Variants in PDE11A observed in about 807,000 individuals in gnomAD.
PDE11A encodes dual 3',5'-cyclic-AMP and -GMP phosphodiesterase 11A.
In PDE11A, 100 loss-of-function variants were observed where a neutral mutation model predicts 100.5. The ratio of observed to expected loss-of-function variants is 1.00; its 90% CI spans 0.85 to 1.18. PDE11A has a LOEUF of 1.18. Among genes scored for constraint, PDE11A ranks in the 50% most tolerant of loss-of-function variants. The probability of loss-of-function intolerance (pLI) is 0.00; values close to 1 mark genes in which losing one functional copy is unlikely to be tolerated. For synonymous variants in PDE11A, 381 were observed against 420.8 expected (o/e 0.91, Z 1.16); for missense variants, 1,141 against 1,152.6 (o/e 0.99, Z 0.15).
At chr2:177,886,763 T>C (rs1017889298) in intron 4 of PDE11A, among the ~76,000 whole-genome samples, 1 of 152,180 alleles carries the variant, frequency 6.6e-6, no homozygotes, top group Non-Finnish European at 1.5e-5. Context: ...AAGTTCATGC[T>C]TTTACACATC....
In PDE11A at chr2:177,857,825, A is replaced by G. The variant is rs556584048; in HGVS notation, c.1368-17442T>C. ...AGATTCAAAGACATGACTGGGTTAA[A>G]ATAAAAAAATGGAAAAAGTATATAT... On this transcript the variant is annotated intron_variant, in intron 5 of 19. Transcript: ENST00000286063. Among the ~76,000 whole-genome samples, 4 of 152,226 alleles carry G rather than the reference A, an allele frequency of 2.6e-5. No individual in the cohort carries two copies. The South Asian group carries it at 8.3e-4, about 32-fold the overall frequency.
chr2:177,969,484 A>G (rs1221630055), intron 2 of PDE11A, among the ~76,000 whole-genome samples: 1 of 152,166 alleles, frequency 6.6e-6, no homozygotes, highest in Non-Finnish European at 1.5e-5. Flanking sequence ...TTTCACTGTT[A>G]ATGTTGATAT....
intron 19 of PDE11A, among the ~76,000 whole-genome samples, chr2:177,656,198 C>T (rs1332805753): frequency 1.3e-5 from 2 of 152,186 alleles, no homozygotes; most frequent in African/African-American, 2.4e-5. Context: ...CCATGATGGA[C>T]CATATCTACA....
intron 1 of PDE11A, among the ~76,000 whole-genome samples, chr2:178,020,910 TG>T (rs1248170736): frequency 6.6e-6 from 1 of 150,770 alleles, no homozygotes; most frequent in Non-Finnish European, 1.5e-5. Context: ...TTTGTTTTTT[TG>T]TTTTTTTGTC....
chr2:177,951,825 T>C (rs569681683), intron 2 of PDE11A, among the ~76,000 whole-genome samples: 1 of 152,338 alleles, frequency 6.6e-6, no homozygotes, highest in African/African-American at 2.4e-5. Context: ...AACTTGCCTT[T>C]TCCTCAGAGA....
intron 2 of PDE11A, among the ~76,000 whole-genome samples, chr2:178,014,071 T>G (rs533506612): frequency 6.6e-6 from 1 of 152,256 alleles, no homozygotes; most frequent in Non-Finnish European, 1.5e-5. Context: ...CTACCGAGGC[T>G]TATAATGAAA....
At chr2:178,062,317 T>A (rs1022817063) in intron 1 of PDE11A, among the ~76,000 whole-genome samples, 1 of 147,220 alleles carries the variant, frequency 6.8e-6, no homozygotes. Flanking sequence ...CTGACTCCAG[T>A]CTCATATACC....
intron 10 of PDE11A, among the ~76,000 whole-genome samples, chr2:177,768,944 C>A (rs1338808218): frequency 6.6e-6 from 1 of 152,196 alleles, no homozygotes; most frequent in Non-Finnish European, 1.5e-5. Flanking sequence ...CTATTATTAT[C>A]CCAATCTCGT....
At chr2:177,898,557 A>G (rs1056177320) in intron 3 of PDE11A, among the ~76,000 whole-genome samples, 3 of 152,170 alleles carry the variant, frequency 2.0e-5, no homozygotes, top group East Asian at 3.9e-4. Flanking sequence ...TCTCTTGACT[A>G]TAGATTAGCC....
At chr2:177,781,773 A>T (rs1016999165) in intron 9 of PDE11A, among the ~76,000 whole-genome samples, 17 of 152,178 alleles carry the variant, frequency 1.1e-4, no homozygotes, top group African/African-American at 3.9e-4. Flanking sequence ...AAGTGCTGGG[A>T]TTACAAGTGT....
intron 2 of PDE11A, among the ~76,000 whole-genome samples, chr2:177,922,309 C>T (rs1226107672): frequency 1.3e-5 from 2 of 152,014 alleles, no homozygotes; most frequent in African/African-American, 2.4e-5. Context: ...ACTTTATGTC[C>T]AAGACAGAAC....
chr2:177,946,608 G>A lies in PDE11A; in HGVS notation c.1072-41421C>T, dbSNP rs1415989827. On this transcript the variant is annotated intron_variant, in intron 2 of 19. Coordinates refer to ENST00000286063, the MANE Select transcript of PDE11A (RefSeq NM_016953.4). ...TGGGAAGTGAGGAGCCCCTCTGCCC[G>A]GCCAGCCGCCCCGTCCGGGAGGGAG... 7.0e-5 allele frequency among the ~76,000 whole-genome samples: 7 copies of A among 99,902 alleles called. No individual in the cohort carries two copies. The South Asian group carries it at 1.2e-3, about 17-fold the overall frequency. 65.5% of individuals were successfully genotyped at this position (99,902 alleles called of 152,430 possible). A position where few individuals can be genotyped will look rare whatever the true frequency, so the allele number is the denominator to read the frequency against.
chr2:177,861,375 G>A (rs927320000), intron 5 of PDE11A, among the ~76,000 whole-genome samples: 6 of 151,768 alleles, frequency 4.0e-5, no homozygotes, highest in African/African-American at 1.4e-4. Flanking sequence ...CAAAATAAGT[G>A]TAAGTCTTTT....
intron 2 of PDE11A, among the ~76,000 whole-genome samples, chr2:178,085,197 C>T (rs1215420300): frequency 1.3e-5 from 2 of 152,136 alleles, no homozygotes; most frequent in Non-Finnish European, 2.9e-5. Flanking sequence ...ACGTGAGGTG[C>T]TGCTATCACC....
At chr2:177,879,742 C>T (rs1011337430) in intron 4 of PDE11A, among the ~76,000 whole-genome samples, 3 of 152,118 alleles carry the variant, frequency 2.0e-5, no homozygotes, top group South Asian at 2.1e-4. Context: ...GAAATAATAG[C>T]GTTTCAAAGC....
intron 1 of PDE11A, among the ~76,000 whole-genome samples, chr2:178,022,575 G>A (rs2086426333): frequency 6.6e-6 from 1 of 152,080 alleles, no homozygotes; most frequent in Admixed American, 6.6e-5. Flanking sequence ...TTTAAGCCCA[G>A]GATCTTCAGA....
intron 4 of PDE11A, among the ~76,000 whole-genome samples, chr2:177,896,104 T>C (rs544442726): frequency 1.3e-5 from 2 of 152,310 alleles, no homozygotes. Context: ...AGTCTTAGAA[T>C]GTTCAGCAGT....
intron 2 of PDE11A, among the ~76,000 whole-genome samples, chr2:178,100,533 T>C (rs1415706492): frequency 1.3e-5 from 2 of 152,212 alleles, no homozygotes; most frequent in African/African-American, 4.8e-5. Flanking sequence ...ACATATTTTT[T>C]AAATCCTTGT....
intron 2 of PDE11A, among the ~76,000 whole-genome samples, chr2:177,983,955 C>T (rs1218078596): frequency 6.6e-6 from 1 of 152,098 alleles, no homozygotes; most frequent in Non-Finnish European, 1.5e-5. Flanking sequence ...ATGACAAAAC[C>T]GACTCCCAAA....
Sources: gnomAD v4.1 joint callset for allele counts (sites outside exome capture counted in the v4.1 genomes callset) on GRCh38, gnomAD v4.1.1 for gene constraint, MANE v1.5 for transcripts, NCBI Gene and HGNC (gene_info 2026-07-23, HGNC 2026-07-21) for gene names.